Variants in TEAD2 observed in about 807,000 individuals in gnomAD.
TEAD2 encodes TEA domain transcription factor 2.
TEAD2 carries 51 observed loss-of-function variants against 61.4 expected under a neutral mutation model. That is an observed-to-expected ratio of 0.83 (90% CI 0.66 to 1.05). TEAD2 has a LOEUF of 1.05. TEAD2 is among the 50% of genes least tolerant of loss of function. The pLI is 0.00. For missense variants in TEAD2, 509 were observed against 600.0 expected (o/e 0.85, Z 1.58); for synonymous variants, 244 against 243.2 (o/e 1.00, Z -0.03).
In TEAD2 at chr19:49,360,034, G is replaced by C; in HGVS notation, c.42C>G (p.Ser14Arg). The C allele has an allele frequency of 6.2e-7, 1 of 1,608,232 alleles. No individual in the cohort carries two copies. The highest frequency in any genetic ancestry group is 8.5e-7 in the Non-Finnish European group (1 of 1,179,866). Reference sequence around the variant, plus strand: ...TGCCTTCCTCACTGCCCGTCCAGCCGCTGCCATCGTCCAGGGCGGCCCCAG... The same window carrying C: ...TGCCTTCCTCACTGCCCGTCCAGCCCCTGCCATCGTCCAGGGCGGCCCCAG... ...PRAGAALDDG[S>R]GWTGSEEGSE... The change falls in exon 2 of 13, where the codon AGC (serine) becomes AGG (arginine). Residue 14 changes from serine to arginine, a missense_variant. Physicochemically the swap from Ser to Arg is moderately radical, Grantham distance 110 (BLOSUM62 -1). Coordinates refer to ENST00000593945, the MANE Select transcript of TEAD2 (RefSeq NM_001256660.2).
At chr19:49,343,859 G>A (rs1473271433) in intron 10 of TEAD2, among the ~76,000 whole-genome samples, 2 of 147,422 alleles carry the variant, frequency 1.4e-5, no homozygotes, top group Non-Finnish European at 3.0e-5. Context: ...TTTTTTTGGG[G>A]GGGGGGGAAC....
intron 1 of TEAD2, chr19:49,361,916 G>A (rs1171946854): frequency 1.3e-5 from 2 of 152,408 alleles, no homozygotes; most frequent in African/African-American, 4.8e-5. Context: ...GGTAAGAAAG[G>A]TCCCCCTAAT....
rs765835461 is a variant in TEAD2 at position 49,347,318 on chromosome 19, G to C, written c.793C>G (p.Pro265Ala). The C allele has an allele frequency of 6.2e-7, 1 of 1,613,026 alleles. No homozygotes were observed. Among genetic ancestry groups the C allele is most frequent in the Admixed American group, 1.7e-5 (1 of 60,016 alleles). The change falls in exon 10 of 13, where the codon CCC (proline) becomes GCC (alanine). Residue 265 changes from proline (P) to alanine (A), a missense_variant. Coordinates refer to ENST00000593945, the MANE Select transcript of TEAD2 (RefSeq NM_001256660.2). ...FVHISQHCPS[P>A]GAPPLESVDV... ...ACACTCTCGAGCGGCGGCGCTCCGG[G>C]GCTGGGGCAGTGCTGGCTGATGTGC...
rs199922699 is a variant in TEAD2, at chr19:49,355,157, T to C, written c.530A>G (p.Asn177Ser). 6.2e-7 allele frequency: 1 copy of C among 1,609,070 alleles called. No homozygotes were observed. Among genetic ancestry groups the C allele is most frequent in the African/African-American group, 1.3e-5 (1 of 74,720 alleles). ...FWSGGSGPPW[N>S]VPDVKPFSQT... is the part of the protein sequence containing the mutation. ...GACACATAGTACTCACTCTGGAACA[T>C]TCCAGGGGGGCCCAGATCCTCCAGA... Residue 177 changes from asparagine (N) to serine (S), a missense_variant, in exon 7 of 13, where the codon AAT (asparagine) becomes AGT (serine). Physicochemically the swap from Asn to Ser is conservative, Grantham distance 46 (BLOSUM62 1). Coordinates refer to ENST00000593945, the MANE Select transcript of TEAD2 (RefSeq NM_001256660.2).
chr19:49,347,456 C>T, intron 9 of TEAD2, 93 bp from the exon 10 acceptor site: 1 of 1,406,856 alleles, frequency 7.1e-7, no homozygotes, highest in Non-Finnish European at 9.8e-7. Flanking sequence ...ACCATCCCCA[C>T]AGCTCTGGCC....
chr19:49,355,184 CAAAA>C lies in TEAD2; in HGVS notation c.499_502del (p.Phe167GlyfsTer14), dbSNP rs1329279953. 6.2e-7 allele frequency: 1 copy of C among 1,612,280 alleles called. No individual in the cohort carries two copies. Among genetic ancestry groups the C allele is most frequent in the East Asian group, 2.2e-5 (1 of 44,812 alleles). The stretch of plus-strand genomic sequence containing the variant: ...CCAGGGGGGCCCAGATCCTCCAGAC[CAAAA>C]CTGGAAAAGCTCAGAGGCCTGGATA... On this transcript the variant is annotated frameshift_variant, in exon 7 of 13. Coordinates refer to ENST00000593945, the MANE Select transcript of TEAD2 (RefSeq NM_001256660.2). LOFTEE classifies it high-confidence loss of function.
Position 49,341,092 on chromosome 19 carries a change from CTG to C in TEAD2, c.*230_*231del, listed in dbSNP as rs1485132486. 5 of 496,098 alleles carry C rather than the reference CTG, an allele frequency of 1.0e-5. No homozygotes were observed. Among genetic ancestry groups the C allele is most frequent in the Admixed American group, 3.3e-5 (1 of 30,552 alleles). The allele number at this position is 496,098 out of a possible 1,614,324, so 30.7% of individuals were successfully genotyped here. A position where few individuals can be genotyped will look rare whatever the true frequency, so the allele number is the denominator to read the frequency against. ...AGTGATCTGTCCTTTCAGACACCCA[CTG>C]TGAGGTCCCAATATCGGGGTTTATC... On this transcript the variant is annotated 3_prime_UTR_variant, in exon 13 of 13. Transcript: ENST00000593945. The surrounding 1 kb of genome is among the most constrained non-coding windows in gnomAD (Gnocchi z 4.2).
chr19:49,342,029 TA>T (rs1971307751), intron 12 of TEAD2, among the ~76,000 whole-genome samples: 1 of 151,968 alleles, frequency 6.6e-6, no homozygotes, highest in Non-Finnish European at 1.5e-5. Context: ...CCATCTCTAC[TA>T]AAAATACAAA....
At chr19:49,351,589 T>C (rs888706107) in intron 7 of TEAD2, among the ~76,000 whole-genome samples, 5 of 152,220 alleles carry the variant, frequency 3.3e-5, no homozygotes, top group South Asian at 2.1e-4. Context: ...AGTCACACAG[T>C]TGAGATGCAG....
chr19:49,362,335 C>T lies in TEAD2; in HGVS notation c.-9G>A, dbSNP rs924471063. 1 of 152,308 alleles carries T rather than the reference C, an allele frequency of 6.6e-6. No homozygotes were observed. Among genetic ancestry groups the T allele is most frequent in the Non-Finnish European group, 1.5e-5 (1 of 68,128 alleles). 9.4% of individuals were successfully genotyped at this position (152,308 alleles called of 1,614,324 possible). Reference sequence around the variant, plus strand: ...ACTCCCCACCCCAACTCACACACCCCAAAGCAGGATCCCCGACTCCCGCCG... The same window carrying T: ...ACTCCCCACCCCAACTCACACACCCTAAAGCAGGATCCCCGACTCCCGCCG... On this transcript the variant is annotated splice_region_variant and 5_prime_UTR_variant, in exon 1 of 13. Coordinates refer to ENST00000593945, the MANE Select transcript of TEAD2 (RefSeq NM_001256660.2).
rs1176456484 is a variant in TEAD2, at chr19:49,359,532, G to T, written c.233-33C>A. ...TTCAAAGACGGAACAGAGTTAGTTA[G>T]ACTTTCAACAGAACTTCCCCACAGC... On this transcript the variant is annotated intron_variant, in intron 2 of 12. Coordinates refer to ENST00000593945, the MANE Select transcript of TEAD2 (RefSeq NM_001256660.2). This position sits in a 1 kb window ranked among gnomAD's most constrained non-coding sequence, Gnocchi z 4.1. 1.2e-6 allele frequency: 2 copies of T among 1,611,586 alleles called. No homozygotes were observed. The highest frequency in any genetic ancestry group is 1.7e-6 in the Non-Finnish European group (2 of 1,177,848).
chr19:49,351,168 A>G lies in TEAD2; in HGVS notation c.604+133T>C, dbSNP rs969523988. On this transcript the variant is annotated intron_variant, in intron 8 of 12. Transcript: ENST00000593945. ...CACTCCAGCCTGGCGACAGAGGGAG[A>G]CTCCATCTCAAAACAAAACAAAATA... 2.0e-5 allele frequency: 17 copies of G among 837,528 alleles called. No individual in the cohort carries two copies. The African/African-American group carries it at 3.0e-4, about 15-fold the overall frequency. 51.9% of individuals were successfully genotyped at this position (837,528 alleles called of 1,614,324 possible).
At chr19:49,347,484 C>T in intron 9 of TEAD2, 121 bp from the exon 10 acceptor site, 2 of 1,178,130 alleles carry the variant, frequency 1.7e-6, no homozygotes, top group Non-Finnish European at 2.4e-6. Flanking sequence ...CCACACAGTC[C>T]ACCCAGCACT....
chr19:49,340,780 T>TAAA lies in TEAD2; in HGVS notation c.*541_*543dup, dbSNP rs11418227. The TAAA allele has an allele frequency of 2.3e-5, 4 of 173,802 alleles. No individual in the cohort carries two copies. Among genetic ancestry groups the TAAA allele is most frequent in the East Asian group, 1.5e-4 (1 of 6,574 alleles). The allele number at this position is 173,802 out of a possible 1,614,324, so 10.8% of individuals were successfully genotyped here. A position where few individuals can be genotyped will look rare whatever the true frequency, so the allele number is the denominator to read the frequency against. ...CCCACTTATAAATATCTCGTTATAT[T>TAAA]AAAAAAAAAAAAAATGTCCAGGGCC... is the stretch of plus-strand genomic sequence containing the variant. On this transcript the variant is annotated 3_prime_UTR_variant, in exon 13 of 13. Transcript: ENST00000593945.
chr19:49,342,549 G>T lies in TEAD2; in HGVS notation c.1131C>A (p.Arg377=), dbSNP rs778777887. 67 of 1,613,896 alleles carry T rather than the reference G, an allele frequency of 4.2e-5. No homozygotes were observed. The highest frequency in any genetic ancestry group is 5.4e-5 in the Non-Finnish European group (64 of 1,179,954). The change falls in exon 12 of 13, where the codon CGC becomes CGA. Residue 377 remains arginine, a synonymous_variant. Transcript: ENST00000593945. ...ACTCGCACATGGGCGAGCGCAGCAG[G>T]CGGTACACAAATCTGCCGTCCTCCA... is the stretch of plus-strand genomic sequence containing the variant. ...AQLEDGRFVY[R]LLRSPMCEYL...
Position 49,343,357 on chromosome 19 carries a change from G to A in TEAD2, c.963C>T (p.Ala321=), listed in dbSNP as rs541250830. ...AGCCACCACTGCTGATGCTGCCACC[G>A]GCCCCTGCCTCCTCACCACTTGGGC... is the stretch of plus-strand genomic sequence containing the variant. The part of the protein sequence containing the change: ...NWGPSGEEAG[A]GGSISSGGFY... The change falls in exon 11 of 13, where the codon GCC becomes GCT. Residue 321 remains alanine, a synonymous_variant. Coordinates refer to ENST00000593945, the MANE Select transcript of TEAD2 (RefSeq NM_001256660.2). The A allele has an allele frequency of 8.7e-6, 14 of 1,612,894 alleles. No homozygotes were observed. Among genetic ancestry groups the A allele is most frequent in the Middle Eastern group, 1.7e-4 (1 of 6,056 alleles).
chr19:49,343,826 T>C (rs1465030480), intron 10 of TEAD2, among the ~76,000 whole-genome samples: 1 of 146,396 alleles, frequency 6.8e-6, no homozygotes, highest in Non-Finnish European at 1.5e-5. Context: ...TGTTGTTTTG[T>C]TTTTTTGTTG....
chr19:49,341,232 C>T lies in TEAD2; in HGVS notation c.*92G>A. 2 of 1,122,274 alleles carry T rather than the reference C, an allele frequency of 1.8e-6. No homozygotes were observed. The highest frequency in any genetic ancestry group is 1.3e-5 in the South Asian group (1 of 78,564). The allele number at this position is 1,122,274 out of a possible 1,614,324, so 69.5% of individuals were successfully genotyped here. On this transcript the variant is annotated 3_prime_UTR_variant, in exon 13 of 13. Transcript: ENST00000593945. The surrounding 1 kb of genome is among the most constrained non-coding windows in gnomAD (Gnocchi z 4.2). ...TGAGGTCAACCCCTTTACATCACAG[C>T]CCTCTCCCCAAATAAGAAGCATGAG...
chr19:49,342,600 G>A lies in TEAD2; in HGVS notation c.1090-10C>T, dbSNP rs921462197. 4 of 1,605,478 alleles carry A rather than the reference G, an allele frequency of 2.5e-6. No individual in the cohort carries two copies. The African/African-American group carries it at 5.4e-5, about 21-fold the overall frequency. On this transcript the variant is annotated splice_polypyrimidine_tract_variant and intron_variant, in intron 11 of 12. Coordinates refer to ENST00000593945, the MANE Select transcript of TEAD2 (RefSeq NM_001256660.2). The stretch of plus-strand genomic sequence containing the variant: ...GCTGGGCCCGTTCCGTCTGAACCAA[G>A]GGGAAGGGAGTTGGGAAAATGGTGG...
Sources: allele counts gnomAD v4.1 joint callset (sites outside exome capture counted in the v4.1 genomes callset), GRCh38; gene constraint gnomAD v4.1.1; non-coding constraint Gnocchi (gnomAD v3.1); transcripts MANE v1.5; gene names NCBI Gene and HGNC (gene_info 2026-07-23, HGNC 2026-07-21).